The following ADAMTSL1 variants were observed in gnomAD, a reference collection of about 807,000 sequenced individuals.
ADAMTSL1 encodes ADAMTS-like protein 1.
Under a neutral mutation model 201.8 loss-of-function variants are expected in ADAMTSL1, and 126 were observed. The observed-to-expected ratio is 0.62, with a 90% CI of 0.54 to 0.72. The LOEUF is 0.72. Ranked by LOEUF, ADAMTSL1 falls within the 30% of genes least tolerant of loss-of-function variation. The probability of loss-of-function intolerance (pLI) is 0.00; values close to 1 mark genes in which losing one functional copy is unlikely to be tolerated. For synonymous variants in ADAMTSL1, 1,121 were observed against 903.4 expected (o/e 1.24, Z -4.32); for missense variants, 2,679 against 2,277.8 (o/e 1.18, Z -3.59).
chr9:18,037,291 G>A (rs1821240726), intron 1 of ADAMTSL1, among the ~76,000 whole-genome samples: 1 of 152,092 alleles, frequency 6.6e-6, no homozygotes, highest in African/African-American at 2.4e-5. Flanking sequence ...AGTTTCTAAG[G>A]CCTGTCAGTT....
In ADAMTSL1 at chr9:18,335,003, T is replaced by C. The variant is rs147597995; in HGVS notation, c.208-169826T>C. Among the ~76,000 whole-genome samples, 43 of 152,254 alleles carry C rather than the reference T, an allele frequency of 2.8e-4. No individual in the cohort carries two copies. The East Asian group carries it at 7.5e-3, about 27-fold the overall frequency. On this transcript the variant is annotated intron_variant, in intron 2 of 29. Coordinates refer to the ADAMTSL1 transcript ENST00000680146. ...TCATATAAACTTGAAGAATTATTTG[T>C]ATATCATATATAATACAAATTCCTG...
chr9:18,586,230 C>T (rs1031799364), intron 4 of ADAMTSL1, among the ~76,000 whole-genome samples: 3 of 152,196 alleles, frequency 2.0e-5, no homozygotes, highest in African/African-American at 7.2e-5. Context: ...CAATAAACAA[C>T]TTCAGCAAAG....
intron 1 of ADAMTSL1, among the ~76,000 whole-genome samples, chr9:18,128,996 C>G (rs914980527): frequency 6.6e-6 from 1 of 152,284 alleles, no homozygotes; most frequent in East Asian, 1.9e-4. Context: ...ATAAAACAGA[C>G]TGTAATACAT....
chr9:18,581,114 CTTTGCCTCT>C (rs1393084480), intron 4 of ADAMTSL1, among the ~76,000 whole-genome samples: 1 of 152,084 alleles, frequency 6.6e-6, no homozygotes, highest in Non-Finnish European at 1.5e-5. Context: ...GGGTGGAATC[CTTTGCCTCT>C]TTTGCCTCTT....
At chr9:18,259,509 C>CA (rs113141517) in intron 2 of ADAMTSL1, among the ~76,000 whole-genome samples, 16,733 of 124,280 alleles carry the variant, frequency 0.13, 1,161 homozygotes, top group African/African-American at 0.2. Context: ...AACTCTGTCT[C>CA]AAAAAAAAAA....
chr9:18,583,597 G>T (rs1823262132), intron 4 of ADAMTSL1, among the ~76,000 whole-genome samples: 1 of 152,156 alleles, frequency 6.6e-6, no homozygotes, highest in Non-Finnish European at 1.5e-5. Flanking sequence ...TCCAGACGCA[G>T]AATGGTAGAT....
Position 18,802,277 on chromosome 9 carries a change from CA to C in ADAMTSL1, c.3805+6761del, listed in dbSNP as rs374051402. 1.0e-3 allele frequency among the ~76,000 whole-genome samples: 157 copies of C among 151,324 alleles called. 2 individuals carry two copies. The East Asian group carries it at 0.024, about 23-fold the overall frequency. On this transcript the variant is annotated intron_variant, in intron 20 of 28. Coordinates refer to ENST00000380548, the MANE Select transcript of ADAMTSL1 (RefSeq NM_001040272.6). ...CAGAGTAAGACCCTGTCTCCAAAAA[CA>C]AAAAAAACAGGAGTTGTGCATCCAT...
At chr9:18,672,189 T>G (rs1387825432) in intron 9 of ADAMTSL1, among the ~76,000 whole-genome samples, 2 of 151,418 alleles carry the variant, frequency 1.3e-5, no homozygotes, top group Non-Finnish European at 2.9e-5. Context: ...TTGGCTTGTT[T>G]TTTTTTTTTT....
chr9:18,360,868 C>A (rs182545418), intron 2 of ADAMTSL1, among the ~76,000 whole-genome samples: 86 of 152,234 alleles, frequency 5.6e-4, no homozygotes, highest in African/African-American at 2.0e-3. Flanking sequence ...CATTTTCCCC[C>A]AGAAAAATGG....
intron 2 of ADAMTSL1, among the ~76,000 whole-genome samples, chr9:18,233,331 TA>T (rs1285425396): frequency 6.6e-6 from 1 of 152,236 alleles, no homozygotes; most frequent in Non-Finnish European, 1.5e-5. Flanking sequence ...ACTTCATCAG[TA>T]AAAGACAATA....
intron 2 of ADAMTSL1, 138 bp downstream of exon 2, chr9:18,505,094 A>G (rs750041158): frequency 5.1e-5 from 59 of 1,158,744 alleles, no homozygotes; most frequent in Non-Finnish European, 6.5e-5. Context: ...GGAACGTACA[A>G]ATAATTAAAT....
intron 2 of ADAMTSL1, among the ~76,000 whole-genome samples, chr9:18,530,992 T>C (rs1819409866): frequency 6.6e-6 from 1 of 152,202 alleles, no homozygotes; most frequent in Non-Finnish European, 1.5e-5. Flanking sequence ...TAGAATTCAA[T>C]TACCTTGTAA....
intron 1 of ADAMTSL1, among the ~76,000 whole-genome samples, chr9:17,907,083 G>A (rs1338865583): frequency 6.6e-6 from 1 of 152,194 alleles, no homozygotes; most frequent in Non-Finnish European, 1.5e-5. Context: ...CGGGGTTGGG[G>A]CTAAGGCGTA....
chr9:18,117,116 C>T (rs1302453451), intron 1 of ADAMTSL1, among the ~76,000 whole-genome samples: 2 of 152,112 alleles, frequency 1.3e-5, no homozygotes, highest in African/African-American at 4.8e-5. Flanking sequence ...CTACTTGATG[C>T]CACCACCTAT....
intron 4 of ADAMTSL1, among the ~76,000 whole-genome samples, chr9:18,577,919 A>G (rs547268451): frequency 6.6e-6 from 1 of 152,310 alleles, no homozygotes; most frequent in South Asian, 2.1e-4. Flanking sequence ...CAGTTTCAGA[A>G]TAAAGGACAA....
In ADAMTSL1 at chr9:18,297,134, TC is replaced by T. The variant is rs147985394; in HGVS notation, c.207+133156del. Among the ~76,000 whole-genome samples, 437 of 152,288 alleles carry T rather than the reference TC, an allele frequency of 2.9e-3. 2 individuals are homozygous for T. The highest frequency in any genetic ancestry group is 3.6e-3 in the Non-Finnish European group (242 of 68,014). On this transcript the variant is annotated intron_variant, in intron 2 of 29. Transcript: ENST00000680146. ...CTAACAGGGTCACGATTTTCCCACA[TC>T]CCAGAGTCTAATTAAGTCAGCCCGT...
intron 1 of ADAMTSL1, among the ~76,000 whole-genome samples, chr9:18,023,094 A>T (rs555099332): frequency 1.3e-5 from 2 of 152,222 alleles, no homozygotes; most frequent in Non-Finnish European, 2.9e-5. Context: ...TCCTGAAAGT[A>T]CTTCCAAAAT....
intron 23 of ADAMTSL1, among the ~76,000 whole-genome samples, chr9:18,835,862 T>A (rs1277033522): frequency 1.3e-5 from 2 of 152,168 alleles, no homozygotes; most frequent in African/African-American, 4.8e-5. Flanking sequence ...CTGCATAGTA[T>A]CCTATGGTAT....
At position 18,659,862 on chromosome 9, in the gene ADAMTSL1, T is replaced by C. The variant is rs1294691604; in HGVS notation, c.947-2073T>C. Among the ~76,000 whole-genome samples, 3 of 152,128 alleles carry C rather than the reference T, an allele frequency of 2.0e-5. No homozygotes were observed. In the East Asian group the frequency reaches 5.8e-4, roughly 29 times the overall value. ...TGGGAATACATTATTTTGATATTTTTACTAATGACTGGCATAGGAAATAGT... is the reference window on the plus strand; with the variant it reads ...TGGGAATACATTATTTTGATATTTTCACTAATGACTGGCATAGGAAATAGT... On this transcript the variant is annotated intron_variant, in intron 8 of 28. Transcript: ENST00000380548.
Sources: gnomAD v4.1 joint callset for allele counts (sites outside exome capture counted in the v4.1 genomes callset) on GRCh38, gnomAD v4.1.1 for gene constraint, MANE v1.5 for transcripts, NCBI Gene and HGNC (gene_info 2026-07-23, HGNC 2026-07-21) for gene names.